PSME4: variants seen among roughly 807,000 people sequenced by gnomAD.
PSME4 encodes the protein proteasome activator complex subunit 4.
Under a neutral mutation model 253.9 loss-of-function variants are expected in PSME4, and 89 were observed. That is an observed-to-expected ratio of 0.35 (90% CI 0.30 to 0.42). The LOEUF is 0.42. PSME4 is among the 10% of genes least tolerant of loss of function. The pLI, the probability that PSME4 is intolerant of heterozygous loss-of-function variation, is 1.00. For synonymous variants in PSME4, 851 were observed against 759.2 expected (o/e 1.12, Z -1.99); for missense variants, 2,014 against 2,195.2 (o/e 0.92, Z 1.65).
intron 1 of PSME4, among the ~76,000 whole-genome samples, chr2:53,950,841 CAA>C (rs77155080): frequency 9.8e-5 from 7 of 71,382 alleles, no homozygotes; most frequent in African/African-American, 1.9e-4. Context: ...AACTCCGTCT[CAA>C]AAAAAAAAAA....
intron 18 of PSME4, 98 bp from the exon 19 acceptor site, chr2:53,920,448 T>C: frequency 8.2e-7 from 1 of 1,226,916 alleles, no homozygotes; most frequent in East Asian, 2.5e-5. Flanking sequence ...TAAAAGAAAA[T>C]GTACACATAA....
Position 53,923,335 on chromosome 2 carries a change from G to A in PSME4, c.1894C>T (p.Arg632Cys), listed in dbSNP as rs771999135. The A allele has an allele frequency of 7.5e-6, 12 of 1,605,212 alleles. No homozygotes were observed. The highest frequency in any genetic ancestry group is 1.0e-5 in the Non-Finnish European group (12 of 1,177,772). ...VAGRMVADMC[R>C]AAVKCCPEES... ...AATAAACTCACCTTTACAGCAGCGC[G>A]GCACATGTCTGCCACCATGCGACCT... Residue 632 changes from arginine to cysteine, a missense_variant, in exon 15 of 47, where the codon CGC becomes TGC. Physicochemically the swap from Arg to Cys is radical, Grantham distance 180 (BLOSUM62 -3). This residue lies in a region of PSME4 where 989 missense variants were observed against 1,021.1 expected (regional missense o/e 0.97). Transcript: ENST00000404125.
intron 1 of PSME4, among the ~76,000 whole-genome samples, chr2:53,952,719 G>A (rs970771004): frequency 3.9e-5 from 6 of 152,182 alleles, no homozygotes; most frequent in South Asian, 2.1e-4. Flanking sequence ...TCCCTTGCAC[G>A]GGCAGTTCAC....
At chr2:53,935,251 T>G (rs1034962077) in intron 7 of PSME4, among the ~76,000 whole-genome samples, 1 of 152,182 alleles carries the variant, frequency 6.6e-6, no homozygotes, top group African/African-American at 2.4e-5. Context: ...AAATTAAATT[T>G]ATATTCCAAC....
At chr2:53,923,525 C>G (rs1668419564) in intron 14 of PSME4, 106 bp from the exon 15 acceptor site, 1 of 1,340,130 alleles carries the variant, frequency 7.5e-7, no homozygotes, top group Admixed American at 3.3e-5. Context: ...CAAAAATAAG[C>G]CCATAGGCAA....
intron 1 of PSME4, among the ~76,000 whole-genome samples, chr2:53,960,985 T>A (rs1369884608): frequency 1.3e-5 from 2 of 152,164 alleles, no homozygotes. Flanking sequence ...CGCATGCCTG[T>A]AATCCTAGCT....
intron 41 of PSME4, among the ~76,000 whole-genome samples, chr2:53,878,698 C>T (rs1679246374): frequency 6.6e-6 from 1 of 152,212 alleles, no homozygotes; most frequent in Non-Finnish European, 1.5e-5. Flanking sequence ...TCCCGTAGTG[C>T]TCCCAGGCTT....
intron 27 of PSME4, among the ~76,000 whole-genome samples, chr2:53,902,395 A>C (rs1680445032): frequency 1.3e-5 from 2 of 152,144 alleles, no homozygotes; most frequent in Non-Finnish European, 2.9e-5. Context: ...ATCCTTTCTA[A>C]AGTGCTTTTT....
intron 34 of PSME4, among the ~76,000 whole-genome samples, chr2:53,894,760 G>C (rs1034462117): frequency 6.6e-6 from 1 of 152,212 alleles, no homozygotes; most frequent in Admixed American, 6.5e-5. Context: ...ACATAAAGCA[G>C]TAGCCAACGG....
In PSME4 at chr2:53,895,080, T is replaced by C; in HGVS notation, c.3843-4A>G. 1.9e-6 allele frequency: 3 copies of C among 1,603,316 alleles called. No homozygotes were observed. The highest frequency in any genetic ancestry group is 2.5e-6 in the Non-Finnish European group (3 of 1,177,342). ...ACCAGCATAAACAACCATATTCCTA[T>C]ATAGTAAGAGTTCATATTTATCATA... On this transcript the variant is annotated splice_polypyrimidine_tract_variant and splice_region_variant and intron_variant, in intron 33 of 46. Transcript: ENST00000404125.
chr2:53,888,735 G>C lies in PSME4; in HGVS notation c.4374C>G (p.Ser1458=). 6.2e-7 allele frequency: 1 copy of C among 1,610,668 alleles called. No homozygotes were observed. Among genetic ancestry groups the C allele is most frequent in the Non-Finnish European group, 8.5e-7 (1 of 1,177,416 alleles). Residue 1458 remains serine, a synonymous_variant, in exon 38 of 47, where the codon TCC becomes TCG. Coordinates refer to ENST00000404125, the MANE Select transcript of PSME4 (RefSeq NM_014614.3). ...LESPLSGEGG[S]FVDACRLYVL... is the part of the protein sequence containing the mutation. ...AAAAAATTTACCATGCATCTACAAA[G>C]GATCCTCCTTCACCACTCAATGGTG...
In PSME4 at chr2:53,887,500, G is replaced by A. The variant is rs371692717; in HGVS notation, c.4521-33C>T. 11 of 1,543,564 alleles carry A rather than the reference G, an allele frequency of 7.1e-6. No homozygotes were observed. The African/African-American group carries it at 1.4e-4, about 19-fold the overall frequency. On this transcript the variant is annotated intron_variant, in intron 39 of 46. Coordinates refer to ENST00000404125, the MANE Select transcript of PSME4 (RefSeq NM_014614.3). ...ATAAAATACTTAATAATAGGAAGAG[G>A]TGCCACATTATAAATAAAAATGAGG...
chr2:53,880,126 T>C (rs564003604), intron 41 of PSME4, among the ~76,000 whole-genome samples: 1 of 152,274 alleles, frequency 6.6e-6, no homozygotes, highest in African/African-American at 2.4e-5. Context: ...TATAAGGGTA[T>C]TTCTTTAGAG....
In PSME4 at chr2:53,895,629, T is replaced by C. The variant is rs1479837359; in HGVS notation, c.3796A>G (p.Ser1266Gly). 4 of 1,613,628 alleles carry C rather than the reference T, an allele frequency of 2.5e-6. No individual in the cohort carries two copies. Among genetic ancestry groups the C allele is most frequent in the Non-Finnish European group, 3.4e-6 (4 of 1,179,874 alleles). ...IPRTKKEWESSCFVEKTHWGY... is the reference protein window; with the variant it reads ...IPRTKKEWESGCFVEKTHWGY... ...CAGTGAGTTTTTTCCACAAAGCAAC[T>C]TGACTCCCATTCTTTTTTAGTTCTT... Residue 1266 changes from serine to glycine, a missense_variant, in exon 33 of 47, where the codon AGT (serine) becomes GGT (glycine). Around this residue, in one of 4 missense-constraint regions of PSME4, gnomAD observed 989 missense variants for 1,021.1 expected, o/e 0.97. Transcript: ENST00000404125.
rs770906792 is a variant in PSME4 at position 53,895,039 on chromosome 2, T to C, written c.3880A>G (p.Lys1294Glu). The change falls in exon 34 of 47, where the codon AAG becomes GAG. Residue 1294 changes from lysine (K) to glutamate (E), a missense_variant. Coordinates refer to ENST00000404125, the MANE Select transcript of PSME4 (RefSeq NM_014614.3). ...VVYAGVEEQP[K>E]LGRSREDMTE... ...ATATCCTCCCTGCTTCTGCCAAGCT[T>C]AGGCTGCTCTTCCACACCAGCATAA... is the stretch of plus-strand genomic sequence containing the variant. 6.2e-7 allele frequency: 1 copy of C among 1,613,024 alleles called. No homozygotes were observed. Among genetic ancestry groups the C allele is most frequent in the Non-Finnish European group, 8.5e-7 (1 of 1,179,794 alleles).
chr2:53,885,736 G>A lies in PSME4; in HGVS notation c.4769C>T (p.Ser1590Phe). The A allele has an allele frequency of 6.2e-7, 1 of 1,613,280 alleles. No homozygotes were observed. Among genetic ancestry groups the A allele is most frequent in the Non-Finnish European group, 8.5e-7 (1 of 1,179,432 alleles). The change falls in exon 41 of 47, where the codon TCT becomes TTT. Residue 1590 changes from serine to phenylalanine, a missense_variant. By Grantham distance (155) the Ser-to-Phe change is radical (BLOSUM62 -2). Around this residue, in one of 4 missense-constraint regions of PSME4, gnomAD observed 403 missense variants for 556.1 expected, o/e 0.72. Transcript: ENST00000404125. Reference sequence around the variant, plus strand: ...CTGAAGTTGTTCTGTAACTGCTGTAGAAAAGGATCTTCCTGCACTTGCCAT... The same window carrying A: ...CTGAAGTTGTTCTGTAACTGCTGTAAAAAAGGATCTTCCTGCACTTGCCAT... ...WLMASAGRSF[S>F]TAVTEQLQLL...
At chr2:53,901,286 T>C (rs1680386713) in intron 28 of PSME4, 64 bp downstream of exon 28, 3 of 1,408,752 alleles carry the variant, frequency 2.1e-6, no homozygotes, top group Non-Finnish European at 3.0e-6. Flanking sequence ...GCAAGAAAAA[T>C]AAAGGGCATT....
chr2:53,868,170 T>C (rs923512752), intron 44 of PSME4, among the ~76,000 whole-genome samples: 17 of 151,686 alleles, frequency 1.1e-4, no homozygotes, highest in African/African-American at 3.9e-4. Flanking sequence ...AAAACAGAGT[T>C]CTCAGGCCAG....
intron 19 of PSME4, among the ~76,000 whole-genome samples, chr2:53,919,965 GTAA>G (rs1044472361): frequency 9.9e-5 from 15 of 151,854 alleles, no homozygotes; most frequent in African/African-American, 3.1e-4. Context: ...TAAGTAGAAG[GTAA>G]TAAAAAAAAT....
Sources: allele counts gnomAD v4.1 joint callset (sites outside exome capture counted in the v4.1 genomes callset), GRCh38; gene constraint gnomAD v4.1.1; regional missense constraint gnomAD v4.1.1; transcripts MANE v1.5; gene names NCBI Gene and HGNC (gene_info 2026-07-23, HGNC 2026-07-21).